GAS7: variants seen among roughly 807,000 people sequenced by gnomAD.
GAS7 encodes growth arrest specific 7.
A neutral mutation model predicts 71.1 loss-of-function variants in GAS7; 28 were observed. The observed-to-expected ratio is 0.39, with a 90% CI of 0.29 to 0.54. The LOEUF is 0.54. GAS7 is among the 20% of genes least tolerant of loss of function. The probability of loss-of-function intolerance (pLI) is 0.62; values close to 1 mark genes in which losing one functional copy is unlikely to be tolerated. For synonymous variants in GAS7, 258 were observed against 245.8 expected, an observed-to-expected ratio of 1.05 and a Z score of -0.46; for missense variants, 436 against 627.8, an observed-to-expected ratio of 0.69 and a Z score of 3.27.
At chr17:9,975,938 G>T (rs989548228) in intron 3 of GAS7, among the ~76,000 whole-genome samples, 1 of 151,976 alleles carries the variant, frequency 6.6e-6, no homozygotes, top group Non-Finnish European at 1.5e-5. Flanking sequence ...TGCTCATCCG[G>T]TCTGATGACA....
intron 1 of GAS7, among the ~76,000 whole-genome samples, chr17:10,187,530 C>T (rs1031688088): frequency 1.3e-5 from 2 of 152,182 alleles, no homozygotes; most frequent in South Asian, 2.1e-4. Flanking sequence ...AACTTCACTC[C>T]GGAATCATCT....
chr17:9,956,091 G>A (rs3786103), intron 5 of GAS7, among the ~76,000 whole-genome samples: 27,384 of 152,126 alleles, frequency 0.18, 2,857 homozygotes, highest in East Asian at 0.5. Context: ...GCTGACATAC[G>A]GAGGCCCCAA....
chr17:10,134,036 T>TC (rs1335480154), intron 1 of GAS7, among the ~76,000 whole-genome samples: 2 of 69,292 alleles, frequency 2.9e-5, no homozygotes, highest in East Asian at 1.2e-3. Flanking sequence ...TTTTCTTTTT[T>TC]CTTTTTTTTT....
rs536777014 is a variant in GAS7 at position 10,175,883 on chromosome 17, G to A, written c.183+22325C>T. On this transcript the variant is annotated intron_variant, in intron 1 of 13. Coordinates refer to ENST00000432992, the MANE Select transcript of GAS7 (RefSeq NM_201433.2). ...TACTAGGGGTTGGGACTTCAAATAC[G>A]AGTGGGGAGTGGGTCCAAACTCAGC... 1.6e-3 allele frequency among the ~76,000 whole-genome samples: 247 copies of A among 152,256 alleles called. 1 individual carries two copies. The highest frequency in any genetic ancestry group is 5.7e-3 in the African/African-American group (237 of 41,548).
chr17:10,063,038 G>A (rs2073236452), intron 1 of GAS7, among the ~76,000 whole-genome samples: 1 of 152,264 alleles, frequency 6.6e-6, no homozygotes, highest in Non-Finnish European at 1.5e-5. Flanking sequence ...CACAGCAAAG[G>A]CAACCCTTGC....
At chr17:9,949,118 G>A (rs1376069534) in intron 5 of GAS7, among the ~76,000 whole-genome samples, 1 of 152,148 alleles carries the variant, frequency 6.6e-6, no homozygotes, top group Non-Finnish European at 1.5e-5. Flanking sequence ...GGATAGGAGG[G>A]CGGACAGCAT....
intron 1 of GAS7, among the ~76,000 whole-genome samples, chr17:10,179,989 C>G (rs2074401771): frequency 6.6e-6 from 1 of 152,056 alleles, no homozygotes; most frequent in South Asian, 2.1e-4. Flanking sequence ...TTTAGGAAAA[C>G]AATTGTAACT....
intron 8 of GAS7, among the ~76,000 whole-genome samples, chr17:9,935,778 C>A (rs1159248045): frequency 6.6e-6 from 1 of 152,182 alleles, no homozygotes; most frequent in Non-Finnish European, 1.5e-5. Flanking sequence ...GGGGAAGCCA[C>A]CAGAGAAGCA....
At chr17:9,993,913 A>C (rs1252429274) in intron 2 of GAS7, among the ~76,000 whole-genome samples, 1 of 152,184 alleles carries the variant, frequency 6.6e-6, no homozygotes. Flanking sequence ...CAAATTATGA[A>C]TGAACTCCCA....
chr17:10,093,208 C>T (rs1232165277), intron 1 of GAS7, among the ~76,000 whole-genome samples: 2 of 152,186 alleles, frequency 1.3e-5, no homozygotes, highest in Non-Finnish European at 2.9e-5. Flanking sequence ...CACTATCTCA[C>T]CTTTATAAGG....
intron 1 of GAS7, among the ~76,000 whole-genome samples, chr17:10,084,762 C>T (rs1397110696): frequency 1.3e-5 from 2 of 152,176 alleles, no homozygotes; most frequent in African/African-American, 2.4e-5. Context: ...CCCCCGTGCC[C>T]GGCCCCTTTC....
At chr17:10,046,944 C>T (rs1333704172) in intron 1 of GAS7, among the ~76,000 whole-genome samples, 1 of 150,688 alleles carries the variant, frequency 6.6e-6, no homozygotes, top group Non-Finnish European at 1.5e-5. Context: ...AATAAGACTT[C>T]ACACCTTCAC....
At chr17:10,120,154 C>T (rs1237016056) in intron 1 of GAS7, among the ~76,000 whole-genome samples, 2 of 141,446 alleles carry the variant, frequency 1.4e-5, no homozygotes, top group Non-Finnish European at 3.1e-5. Flanking sequence ...CCCATCTCTT[C>T]CCACTCCATA....
intron 2 of GAS7, among the ~76,000 whole-genome samples, chr17:9,990,073 T>C (rs1029706753): frequency 4.8e-4 from 73 of 152,212 alleles, no homozygotes; most frequent in African/African-American, 1.7e-3. Flanking sequence ...ATCAAGACCA[T>C]CCTGGCTAAC....
intron 1 of GAS7, among the ~76,000 whole-genome samples, chr17:10,086,749 G>A (rs184987491): frequency 1.3e-5 from 2 of 152,336 alleles, no homozygotes; most frequent in East Asian, 3.9e-4. Context: ...TATAATCTCA[G>A]AGTGATTTGG....
chr17:10,081,669 A>C (rs2152251730), intron 1 of GAS7, among the ~76,000 whole-genome samples: 1 of 152,362 alleles, frequency 6.6e-6, no homozygotes, highest in Non-Finnish European at 1.5e-5. Flanking sequence ...AAACATTTGA[A>C]AACAGACACG....
At chr17:10,050,181 C>T (rs2073043700) in intron 1 of GAS7, among the ~76,000 whole-genome samples, 1 of 152,092 alleles carries the variant, frequency 6.6e-6, no homozygotes, top group Non-Finnish European at 1.5e-5. Context: ...CAATAAAACC[C>T]TCCTTGACAT....
At chr17:9,940,662 A>C (rs2068570578) in intron 7 of GAS7, among the ~76,000 whole-genome samples, 1 of 152,036 alleles carries the variant, frequency 6.6e-6, no homozygotes, top group Admixed American at 6.6e-5. Flanking sequence ...ACATCTCCCT[A>C]CTGTCTCACA....
intron 1 of GAS7, among the ~76,000 whole-genome samples, chr17:10,021,644 A>C (rs574056195): frequency 7.2e-5 from 11 of 152,340 alleles, no homozygotes; most frequent in Non-Finnish European, 1.5e-4. Context: ...TGAGGTGGAC[A>C]GCAGCCAGGA....
Sources: allele counts gnomAD v4.1 joint callset (sites outside exome capture counted in the v4.1 genomes callset), GRCh38; gene constraint gnomAD v4.1.1; transcripts MANE v1.5; gene names NCBI Gene and HGNC (gene_info 2026-07-23, HGNC 2026-07-21).